Variants in SMOC2 observed in about 807,000 individuals in gnomAD.
SMOC2 encodes SPARC-related modular calcium-binding protein 2.
Under a neutral mutation model 61.4 loss-of-function variants are expected in SMOC2, and 39 were observed. The observed-to-expected ratio is 0.64, with a 90% confidence interval of 0.49 to 0.83. The LOEUF (loss-of-function observed/expected upper bound fraction) is 0.83, where lower values mean the gene tolerates loss of function less well. SMOC2 is among the 40% of genes least tolerant of loss of function. SMOC2 has a pLI of 0.00. For missense variants in SMOC2, 556 were observed against 592.9 expected (o/e 0.94, Z 0.65); for synonymous variants, 247 against 239.9 (o/e 1.03, Z -0.27).
Position 168,441,407 on chromosome 6 carries a change from G to C in SMOC2, c.37G>C (p.Ala13Pro), listed in dbSNP as rs1005399761. The stretch of plus-strand genomic sequence containing the variant: ...CCAGCTCTGCTGGCTGCCGCTGCTC[G>C]CTGGGCTGCTCCCGCCGGTGCCCGC... Reference protein sequence around the residue: ...LPQLCWLPLLAGLLPPVPAQK... With the variant: ...LPQLCWLPLLPGLLPPVPAQK... Residue 13 changes from alanine to proline, a missense_variant, in exon 1 of 13, where the codon GCT becomes CCT. Ala to Pro is a conservative substitution (Grantham distance 27). Coordinates refer to ENST00000356284, the MANE Select transcript of SMOC2 (RefSeq NM_001166412.2). 12 of 1,508,950 alleles carry C rather than the reference G, an allele frequency of 8.0e-6. No individual in the cohort carries two copies. In the Admixed American group the frequency reaches 2.5e-4, roughly 32 times the overall value. 93.5% of individuals were successfully genotyped at this position (1,508,950 alleles called of 1,614,324 possible).
chr6:168,612,275 C>A (rs560890670), intron 9 of SMOC2, among the ~76,000 whole-genome samples: 1 of 120,114 alleles, frequency 8.3e-6, no homozygotes, highest in Admixed American at 8.3e-5. Flanking sequence ...TGATCTCCAT[C>A]AGGGGAGAGG....
At chr6:168,651,157 G>A (rs1231399993) in intron 10 of SMOC2, among the ~76,000 whole-genome samples, 5 of 152,176 alleles carry the variant, frequency 3.3e-5, no homozygotes, top group Non-Finnish European at 4.4e-5. Flanking sequence ...GAATGACAAC[G>A]TTTAATCTGA....
chr6:168,488,135 G>T (rs1007848051), intron 1 of SMOC2, among the ~76,000 whole-genome samples: 1 of 152,188 alleles, frequency 6.6e-6, no homozygotes, highest in African/African-American at 2.4e-5. Flanking sequence ...CCCAGTTCAG[G>T]AGGCCAGCAG....
At chr6:168,536,338 G>A (rs1001497962) in intron 4 of SMOC2, among the ~76,000 whole-genome samples, 7 of 152,096 alleles carry the variant, frequency 4.6e-5, no homozygotes, top group Admixed American at 1.3e-4. Flanking sequence ...TTGGGGTCCT[G>A]GCCTGGCCAT....
intron 7 of SMOC2, among the ~76,000 whole-genome samples, chr6:168,574,020 C>T (rs1784735111): frequency 6.6e-6 from 1 of 152,148 alleles, no homozygotes; most frequent in Non-Finnish European, 1.5e-5. Context: ...CTTGCGCCCA[C>T]CACAGGGGCT....
intron 9 of SMOC2, among the ~76,000 whole-genome samples, chr6:168,617,877 A>G (rs56045432): frequency 0.26 from 39,216 of 152,212 alleles, 5,180 homozygotes; most frequent in Non-Finnish European, 0.27. Flanking sequence ...TGCATGGCCT[A>G]CTTGGAGAGG....
chr6:168,661,093 A>G lies in SMOC2; in HGVS notation c.1286-2981A>G, dbSNP rs1299717351. 3.4e-5 allele frequency among the ~76,000 whole-genome samples: 5 copies of G among 145,958 alleles called. No individual in the cohort carries two copies. In the Admixed American group the frequency reaches 3.5e-4, roughly 10 times the overall value. ...TGGATACATATTTAGCTGATTTTGC[A>G]GCCCTTTCATTTTCCTTACAGAATT... On this transcript the variant is annotated intron_variant, in intron 11 of 12. Coordinates refer to ENST00000356284, the MANE Select transcript of SMOC2 (RefSeq NM_001166412.2).
chr6:168,550,298 CTT>C (rs1032628522), intron 7 of SMOC2, among the ~76,000 whole-genome samples: 25 of 152,306 alleles, frequency 1.6e-4, no homozygotes, highest in African/African-American at 6.0e-4. Context: ...TGCATTAAAA[CTT>C]TATCTGTGGT....
rs769976070 is a variant in SMOC2, at chr6:168,452,191, A to C, written c.84+10737A>C. On this transcript the variant is annotated intron_variant, in intron 1 of 12. Coordinates refer to ENST00000356284, the MANE Select transcript of SMOC2 (RefSeq NM_001166412.2). The surrounding 1 kb of genome is among the most constrained non-coding windows in gnomAD (Gnocchi z 5.0). ...TCCAGCTTTAAAGAATTGGCTCATGATGCAGAATGCTAAATTAGGGAATTA... is the reference window on the plus strand; with the variant it reads ...TCCAGCTTTAAAGAATTGGCTCATGCTGCAGAATGCTAAATTAGGGAATTA... Among the ~76,000 whole-genome samples the C allele has an allele frequency of 1.3e-5, 2 of 152,242 alleles. No homozygotes were observed. The highest frequency in any genetic ancestry group is 2.9e-5 in the Non-Finnish European group (2 of 68,048).
intron 2 of SMOC2, among the ~76,000 whole-genome samples, chr6:168,520,272 G>T (rs1228871000): frequency 1.3e-5 from 2 of 152,198 alleles, no homozygotes; most frequent in African/African-American, 4.8e-5. Flanking sequence ...AATTACGGGT[G>T]GGTAAAATAC....
rs376638987 is a variant in SMOC2 at position 168,467,286 on chromosome 6, C to T, written c.84+25832C>T. 3.1e-4 allele frequency among the ~76,000 whole-genome samples: 47 copies of T among 150,768 alleles called. No individual in the cohort carries two copies. In the East Asian group the frequency reaches 8.0e-3, roughly 26 times the overall value. ...ACTCCTGGGCTCAACACTTGGGGGA[C>T]ATGCACCACCACACCCTGCTAAGGT... On this transcript the variant is annotated intron_variant, in intron 1 of 12. Transcript: ENST00000356284.
chr6:168,498,886 G>T (rs1448897215), intron 1 of SMOC2, among the ~76,000 whole-genome samples: 1 of 132,718 alleles, frequency 7.5e-6, no homozygotes, highest in Admixed American at 7.3e-5. Flanking sequence ...ACAGTCTCTG[G>T]GGGGACAGCC....
At chr6:168,598,387 G>A (rs1048094297) in intron 7 of SMOC2, among the ~76,000 whole-genome samples, 13 of 152,190 alleles carry the variant, frequency 8.5e-5, no homozygotes, top group East Asian at 1.9e-4. Context: ...CCTGGGGCCC[G>A]CTCTGAGGAA....
intron 7 of SMOC2, among the ~76,000 whole-genome samples, chr6:168,569,030 G>A (rs556768119): frequency 1.6e-4 from 24 of 152,290 alleles, no homozygotes; most frequent in African/African-American, 4.8e-4. Context: ...GTAGGTTTTT[G>A]TGGACATCAG....
chr6:168,477,228 C>T (rs753971782), intron 1 of SMOC2, among the ~76,000 whole-genome samples: 2 of 152,182 alleles, frequency 1.3e-5, no homozygotes, highest in Non-Finnish European at 2.9e-5. Context: ...TTGAGAATTG[C>T]TCAGATAGAT....
At chr6:168,472,917 G>C (rs1248464501) in intron 1 of SMOC2, among the ~76,000 whole-genome samples, 1 of 152,130 alleles carries the variant, frequency 6.6e-6, no homozygotes, top group Non-Finnish European at 1.5e-5. Context: ...TTGGTGCTCA[G>C]TCTTCTTTCC....
chr6:168,664,357 A>G, intron 12 of SMOC2: 1 of 506,260 alleles, frequency 2.0e-6, no homozygotes, highest in Non-Finnish European at 3.5e-6. Flanking sequence ...ATTAAGAAAA[A>G]TTTCTGAGTT....
At chr6:168,625,803 C>T (rs762068263) in intron 9 of SMOC2, among the ~76,000 whole-genome samples, 3 of 152,212 alleles carry the variant, frequency 2.0e-5, no homozygotes, top group Non-Finnish European at 2.9e-5. Flanking sequence ...GCAGCCGCTC[C>T]AGCTCCACCG....
intron 7 of SMOC2, among the ~76,000 whole-genome samples, chr6:168,558,868 T>C (rs1034252084): frequency 6.5e-5 from 7 of 107,538 alleles, no homozygotes; most frequent in African/African-American, 2.6e-4. Flanking sequence ...CGCATGTGTG[T>C]GCATGTGTGT....
Sources: gnomAD v4.1 joint callset for allele counts (sites outside exome capture counted in the v4.1 genomes callset) on GRCh38, gnomAD v4.1.1 for gene constraint, Gnocchi (gnomAD v3.1) non-coding constraint, MANE v1.5 for transcripts, NCBI Gene and HGNC (gene_info 2026-07-23, HGNC 2026-07-21) for gene names.